Variants in NID1 observed in about 807,000 individuals in gnomAD.
NID1 encodes nidogen-1.
In NID1, 76 loss-of-function variants were observed where a neutral mutation model predicts 130.6. The observed-to-expected ratio is 0.58, with a 90% CI of 0.48 to 0.70. The LOEUF (loss-of-function observed/expected upper bound fraction) is 0.70. NID1 is among the 30% of genes least tolerant of loss of function. The probability of loss-of-function intolerance (pLI) is 0.00; values close to 1 mark genes in which losing one functional copy is unlikely to be tolerated. For missense variants in NID1, 1,517 were observed against 1,664.8 expected, an observed-to-expected ratio of 0.91 and a Z score of 1.54; for synonymous variants, 665 against 675.1, an observed-to-expected ratio of 0.98 and a Z score of 0.23.
intron 2 of NID1, among the ~76,000 whole-genome samples, chr1:236,047,480 TC>T (rs983382818): frequency 5.3e-5 from 8 of 152,164 alleles, no homozygotes; most frequent in African/African-American, 1.9e-4. Flanking sequence ...CCTGACCTAC[TC>T]AAAGACCCTG....
intron 19 of NID1, among the ~76,000 whole-genome samples, chr1:235,978,670 T>C (rs1040280573): frequency 7.2e-5 from 11 of 152,176 alleles, no homozygotes; most frequent in African/African-American, 2.7e-4. Context: ...TTGTTATTGC[T>C]GTTAGGCCAG....
chr1:236,021,409 C>A (rs1237647055), intron 9 of NID1, among the ~76,000 whole-genome samples: 1 of 152,214 alleles, frequency 6.6e-6, no homozygotes, highest in Non-Finnish European at 1.5e-5. Flanking sequence ...CTGCACTATG[C>A]GCACAAGTTC....
chr1:236,008,400 T>C (rs1238529509), intron 12 of NID1, among the ~76,000 whole-genome samples: 1 of 152,194 alleles, frequency 6.6e-6, no homozygotes, highest in Non-Finnish European at 1.5e-5. Flanking sequence ...AAGTACCAAA[T>C]AAGTGCTGTA....
At chr1:235,991,151 A>G in intron 13 of NID1, 93 bp from the exon 14 acceptor site, 2 of 992,668 alleles carry the variant, frequency 2.0e-6, no homozygotes, top group East Asian at 2.7e-5. Context: ...GCACGCATGC[A>G]CACACATACA....
chr1:235,983,129 C>T (rs574629996), intron 15 of NID1, among the ~76,000 whole-genome samples: 1 of 152,336 alleles, frequency 6.6e-6, no homozygotes, highest in South Asian at 2.1e-4. Flanking sequence ...CCGCCTTGGC[C>T]TCCCAAAGTG....
chr1:235,977,797 T>A lies in NID1; in HGVS notation c.*70A>T. On this transcript the variant is annotated 3_prime_UTR_variant, in exon 20 of 20. Coordinates refer to ENST00000264187, the MANE Select transcript of NID1 (RefSeq NM_002508.3). ...CACTCAGCCAGAGGACACTTTTCAA[T>A]CTGGACCAAGTTGCTTCAAGTAGAG... is the stretch of plus-strand genomic sequence containing the variant. The A allele has an allele frequency of 6.4e-7, 1 of 1,570,372 alleles. No homozygotes were observed. Among genetic ancestry groups the A allele is most frequent in the Admixed American group, 1.7e-5 (1 of 57,984 alleles).
At chr1:236,021,451 G>C (rs1293039828) in intron 9 of NID1, among the ~76,000 whole-genome samples, 2 of 152,162 alleles carry the variant, frequency 1.3e-5, no homozygotes, top group Non-Finnish European at 2.9e-5. Context: ...ACCCTGACAG[G>C]CACCTTGCAT....
intron 9 of NID1, among the ~76,000 whole-genome samples, chr1:236,019,340 T>C (rs1433297205): frequency 6.6e-6 from 1 of 152,208 alleles, no homozygotes; most frequent in Non-Finnish European, 1.5e-5. Flanking sequence ...CTGGAAACAT[T>C]GTACATATTG....
intron 12 of NID1, among the ~76,000 whole-genome samples, chr1:236,003,005 C>T (rs974664660): frequency 5.3e-5 from 8 of 152,128 alleles, no homozygotes; most frequent in Non-Finnish European, 8.8e-5. Flanking sequence ...CTCACTCTCC[C>T]CAGCTTTTTT....
At chr1:236,037,976 A>C in intron 5 of NID1, 128 bp downstream of exon 5, 1 of 1,079,846 alleles carries the variant, frequency 9.3e-7, no homozygotes, top group Non-Finnish European at 1.3e-6. Context: ...GAGACCATGT[A>C]TGGCTGCCAT....
intron 5 of NID1, among the ~76,000 whole-genome samples, chr1:236,036,280 C>T (rs1558442072): frequency 6.6e-6 from 1 of 152,180 alleles, no homozygotes; most frequent in Admixed American, 6.5e-5. Context: ...ATAACATCCC[C>T]TAAAATTAAT....
chr1:236,027,764 C>T (rs913430013), intron 7 of NID1, among the ~76,000 whole-genome samples: 14 of 151,734 alleles, frequency 9.2e-5, no homozygotes, highest in East Asian at 1.9e-4. Flanking sequence ...GGGAAGCAGA[C>T]GTTGCAGTGA....
At position 236,017,231 on chromosome 1, in the gene NID1, T is replaced by C. The variant is rs757847946; in HGVS notation, c.2171A>G (p.His724Arg). The C allele has an allele frequency of 1.2e-6, 2 of 1,614,088 alleles. No homozygotes were observed. The highest frequency in any genetic ancestry group is 1.7e-6 in the Non-Finnish European group (2 of 1,180,044). ...CSEQPSVCGS[H>R]TICNNHPGTF... is the part of the protein sequence containing the mutation. ...TCCTGGGTGATTATTGCAGATTGTG[T>C]GGCTCCCACACACTGAGGGTTGTTC... Residue 724 changes from histidine to arginine, a missense_variant, in exon 10 of 20, where the codon CAC becomes CGC. Around this residue, in one of 3 missense-constraint regions of NID1, gnomAD observed 1,329 missense variants for 1,429.2 expected, o/e 0.93. Transcript: ENST00000264187.
chr1:236,053,933 T>C (rs1013287853), intron 1 of NID1, among the ~76,000 whole-genome samples: 3 of 152,086 alleles, frequency 2.0e-5, no homozygotes, highest in African/African-American at 7.2e-5. Context: ...ATTACTAAAA[T>C]AAAATAAATA....
At chr1:236,006,705 G>A (rs916838319) in intron 12 of NID1, among the ~76,000 whole-genome samples, 9 of 152,194 alleles carry the variant, frequency 5.9e-5, no homozygotes, top group Admixed American at 3.3e-4. Context: ...GTTAGTGGTT[G>A]CTTTTGAGGA....
Position 235,979,066 on chromosome 1 carries a change from G to A in NID1, c.3551C>T (p.Thr1184Met), listed in dbSNP as rs368503060. ...CTGCTTGTGGGGTTGGAAAGCATCCGTCTCCTTGGAAATTGCAAGATCGAG... is the reference window on the plus strand; with the variant it reads ...CTGCTTGTGGGGTTGGAAAGCATCCATCTCCTTGGAAATTGCAAGATCGAG... ...VALDLAISKE[T>M]DAFQPHKQTR... Residue 1184 changes from threonine (T) to methionine (M), a missense_variant, in exon 19 of 20, where the codon ACG becomes ATG. By Grantham distance (81) the Thr-to-Met change is moderately conservative. Around this residue, in one of 3 missense-constraint regions of NID1, gnomAD observed 181 missense variants for 211.3 expected, o/e 0.86. Coordinates refer to ENST00000264187, the MANE Select transcript of NID1 (RefSeq NM_002508.3). This position sits in a 1 kb window ranked among gnomAD's most constrained non-coding sequence, Gnocchi z 4.6. 199 of 1,613,936 alleles carry A rather than the reference G, an allele frequency of 1.2e-4. No individual in the cohort carries two copies. The highest frequency in any genetic ancestry group is 3.8e-4 in the East Asian group (17 of 44,896).
At chr1:236,051,284 C>T (rs1382448167) in intron 1 of NID1, among the ~76,000 whole-genome samples, 22 of 149,760 alleles carry the variant, frequency 1.5e-4, no homozygotes, top group Admixed American at 1.4e-3. Flanking sequence ...TCCCCTCCCT[C>T]CTCCTCCTCC....
In NID1 at chr1:236,032,570, A is replaced by G. The variant is rs564280440; in HGVS notation, c.1368T>C (p.Thr456=). Reference sequence around the variant, plus strand: ...TCATTACTACGTAAGAGTGGAGGTCAGTGTTCTCAAAGACAATGGGGACCT... The same window carrying G: ...TCATTACTACGTAAGAGTGGAGGTCGGTGTTCTCAAAGACAATGGGGACCT... The part of the protein sequence containing the change: ...SSQVPIVFEN[T]DLHSYVVMNH... The change falls in exon 6 of 20, where the codon ACT becomes ACC. Residue 456 remains threonine, a synonymous_variant. Transcript: ENST00000264187. 1 of 1,614,164 alleles carries G rather than the reference A, an allele frequency of 6.2e-7. No individual in the cohort carries two copies. Among genetic ancestry groups the G allele is most frequent in the Admixed American group, 1.7e-5 (1 of 60,014 alleles).
chr1:236,056,430 A>G (rs1192644959), intron 1 of NID1, among the ~76,000 whole-genome samples: 1 of 152,236 alleles, frequency 6.6e-6, no homozygotes, highest in Non-Finnish European at 1.5e-5. Context: ...ATGTGTAATG[A>G]TCAAATCAGG....
Sources: allele counts gnomAD v4.1 joint callset (sites outside exome capture counted in the v4.1 genomes callset), GRCh38; gene constraint gnomAD v4.1.1; regional missense constraint gnomAD v4.1.1; non-coding constraint Gnocchi (gnomAD v3.1); transcripts MANE v1.5; gene names NCBI Gene and HGNC (gene_info 2026-07-23, HGNC 2026-07-21).